Variants in GRIA4 observed in about 807,000 individuals in gnomAD.
The protein encoded by GRIA4 is glutamate ionotropic receptor AMPA type subunit 4.
A neutral mutation model predicts 104.0 loss-of-function variants in GRIA4; 34 were observed. That is an observed-to-expected ratio of 0.33 (90% CI 0.25 to 0.44). GRIA4 has a LOEUF of 0.44. Among genes scored for constraint, GRIA4 ranks in the 20% least tolerant of loss-of-function variants. The pLI is 1.00. For synonymous variants in GRIA4, 386 were observed against 381.9 expected (o/e 1.01, Z -0.13); for missense variants, 750 against 1,096.5 (o/e 0.68, Z 4.46).
chr11:105,683,821 G>A (rs903100497), intron 3 of GRIA4, among the ~76,000 whole-genome samples: 13 of 152,162 alleles, frequency 8.5e-5, no homozygotes, highest in East Asian at 3.9e-4. Context: ...TTTTAAAGTC[G>A]TAATGGAATT....
intron 3 of GRIA4, among the ~76,000 whole-genome samples, chr11:105,713,660 A>G (rs987581297): frequency 1.4e-4 from 22 of 152,254 alleles, no homozygotes; most frequent in African/African-American, 5.3e-4. Flanking sequence ...AAGCTTTTCT[A>G]CCTTGTACAA....
chr11:105,633,751 A>G (rs1771828305), intron 3 of GRIA4, among the ~76,000 whole-genome samples: 1 of 152,186 alleles, frequency 6.6e-6, no homozygotes, highest in Non-Finnish European at 1.5e-5. Context: ...TATCAGAATC[A>G]CAGACCTGGA....
intron 4 of GRIA4, among the ~76,000 whole-genome samples, chr11:105,825,851 C>T (rs1225136332): frequency 1.3e-5 from 2 of 151,956 alleles, no homozygotes; most frequent in Admixed American, 1.3e-4. Flanking sequence ...TACAGGCATA[C>T]AATACCAATT....
intron 4 of GRIA4, among the ~76,000 whole-genome samples, chr11:105,853,901 T>C (rs573782312): frequency 6.6e-6 from 1 of 152,324 alleles, no homozygotes; most frequent in African/African-American, 2.4e-5. Context: ...GGATGCATCA[T>C]TTCCACTATA....
intron 3 of GRIA4, among the ~76,000 whole-genome samples, chr11:105,645,746 C>A (rs879605482): frequency 4.6e-5 from 7 of 151,964 alleles, no homozygotes; most frequent in Non-Finnish European, 8.8e-5. Context: ...AGAACCAGAA[C>A]AAAAGTAATG....
chr11:105,632,328 C>A (rs35856221), intron 3 of GRIA4, among the ~76,000 whole-genome samples: 2,689 of 152,252 alleles, frequency 0.018, 26 homozygotes, highest in Non-Finnish European at 0.03. Flanking sequence ...ACCTCTACTC[C>A]AAATATGTCT....
chr11:105,634,760 A>C (rs1466901297), intron 3 of GRIA4, among the ~76,000 whole-genome samples: 1 of 152,140 alleles, frequency 6.6e-6, no homozygotes, highest in African/African-American at 2.4e-5. Flanking sequence ...ACAGTCCCCA[A>C]ATTTCCTAAG....
At chr11:105,791,082 C>G in intron 4 of GRIA4, among the ~76,000 whole-genome samples, 1 of 152,118 alleles carries the variant, frequency 6.6e-6, no homozygotes, top group Non-Finnish European at 1.5e-5. Flanking sequence ...AGGGAGCTTC[C>G]AGCACAGATG....
intron 14 of GRIA4, among the ~76,000 whole-genome samples, chr11:105,969,706 T>C (rs1310525186): frequency 6.6e-6 from 1 of 152,128 alleles, no homozygotes; most frequent in African/African-American, 2.4e-5. Flanking sequence ...GATAATATAG[T>C]TTAGCACCCA....
chr11:105,915,562 A>C (rs1456325457), intron 10 of GRIA4, among the ~76,000 whole-genome samples: 1 of 152,190 alleles, frequency 6.6e-6, no homozygotes, highest in Non-Finnish European at 1.5e-5. Context: ...CTATTTAGGA[A>C]ACACTGATAG....
intron 3 of GRIA4, among the ~76,000 whole-genome samples, chr11:105,657,770 A>G (rs1300159885): frequency 6.6e-6 from 1 of 151,978 alleles, no homozygotes; most frequent in African/African-American, 2.4e-5. Context: ...TCATGATAGT[A>G]CAATGTACTT....
intron 14 of GRIA4, among the ~76,000 whole-genome samples, chr11:105,935,058 A>G (rs1257858293): frequency 6.6e-6 from 1 of 152,162 alleles, no homozygotes; most frequent in Non-Finnish European, 1.5e-5. Context: ...TAAATATTAT[A>G]CTTGTTTTCA....
intron 3 of GRIA4, among the ~76,000 whole-genome samples, chr11:105,697,947 C>A (rs1035628464): frequency 6.6e-6 from 1 of 152,156 alleles, no homozygotes; most frequent in Non-Finnish European, 1.5e-5. Context: ...TTAAGAACCA[C>A]CTTTAAGTGC....
At chr11:105,731,988 C>T in intron 3 of GRIA4, among the ~76,000 whole-genome samples, 1 of 152,102 alleles carries the variant, frequency 6.6e-6, no homozygotes, top group Non-Finnish European at 1.5e-5. Flanking sequence ...AACAAACCTG[C>T]ACGTTCTGCA....
At chr11:105,644,169 T>C (rs985440022) in intron 3 of GRIA4, among the ~76,000 whole-genome samples, 1 of 152,134 alleles carries the variant, frequency 6.6e-6, no homozygotes, top group Non-Finnish European at 1.5e-5. Context: ...AAAAAATGTG[T>C]GGTGGGAGAA....
At chr11:105,613,625 T>C (rs1276688772) in intron 3 of GRIA4, 1 of 152,172 alleles carries the variant, frequency 6.6e-6, no homozygotes, top group Non-Finnish European at 1.5e-5. Flanking sequence ...GGACATCTGT[T>C]TCATCAACTT....
At chr11:105,838,647 T>C (rs1422577622) in intron 4 of GRIA4, among the ~76,000 whole-genome samples, 1 of 152,222 alleles carries the variant, frequency 6.6e-6, no homozygotes, top group Admixed American at 6.5e-5. Context: ...TTATAAACTC[T>C]TGGACACAAG....
intron 3 of GRIA4, among the ~76,000 whole-genome samples, chr11:105,647,451 C>G (rs1397340412): frequency 6.6e-6 from 1 of 151,762 alleles, no homozygotes; most frequent in Non-Finnish European, 1.5e-5. Context: ...GGTATATATC[C>G]AAAGGAATAT....
intron 4 of GRIA4, among the ~76,000 whole-genome samples, chr11:105,846,177 C>A (rs886538738): frequency 2.0e-5 from 3 of 152,090 alleles, no homozygotes; most frequent in African/African-American, 7.2e-5. Flanking sequence ...TATACCATTT[C>A]TTGTGGTATA....
Sources: gnomAD v4.1 joint callset for allele counts (sites outside exome capture counted in the v4.1 genomes callset) on GRCh38, gnomAD v4.1.1 for gene constraint, MANE v1.5 for transcripts, NCBI Gene and HGNC (gene_info 2026-07-23, HGNC 2026-07-21) for gene names.